EPHB1: variants seen among roughly 807,000 people sequenced by gnomAD.
The protein encoded by EPHB1 is ephrin type-B receptor 1.
EPHB1 carries 30 observed loss-of-function variants against 94.4 expected under a neutral mutation model. The ratio of observed to expected loss-of-function variants is 0.32; its 90% CI spans 0.24 to 0.43. EPHB1 has a LOEUF of 0.43. Among genes scored for constraint, EPHB1 ranks in the 20% least tolerant of loss-of-function variants. The pLI is 1.00. For missense variants in EPHB1, 1,055 were observed against 1,308.3 expected (o/e 0.81, Z 2.99); for synonymous variants, 522 against 489.1 (o/e 1.07, Z -0.89).
chr3:135,035,476 G>A (rs1936615515), intron 3 of EPHB1, among the ~76,000 whole-genome samples: 1 of 152,168 alleles, frequency 6.6e-6, no homozygotes, highest in Admixed American at 6.5e-5. Context: ...AATGGAATTG[G>A]GAAAAGTGAA....
In EPHB1 at chr3:135,155,743, TCACACCA is replaced by T. The variant is rs1477423266; in HGVS notation, c.1422+1469_1422+1475del. Among the ~76,000 whole-genome samples the T allele has an allele frequency of 2.9e-4, 35 of 118,706 alleles. 2 individuals are homozygous for T. Among genetic ancestry groups the T allele is most frequent in the African/African-American group, 6.2e-4 (17 of 27,300 alleles). 77.9% of individuals were successfully genotyped at this position (118,706 alleles called of 152,430 possible). ...AGGTGGAGGTTGCAGTGAGCCTAGATCACACCACTGCACTCCAGTGTGGGTGACAGAG... is the reference window on the plus strand; with the variant it reads ...AGGTGGAGGTTGCAGTGAGCCTAGATCTGCACTCCAGTGTGGGTGACAGAG... On this transcript the variant is annotated intron_variant, in intron 6 of 15. Coordinates refer to ENST00000398015, the MANE Select transcript of EPHB1 (RefSeq NM_004441.5).
chr3:134,994,356 A>AC (rs1458075536), intron 3 of EPHB1, among the ~76,000 whole-genome samples: 1 of 152,068 alleles, frequency 6.6e-6, no homozygotes, highest in Non-Finnish European at 1.5e-5. Context: ...ACTGCTTTTG[A>AC]CCCCTGCCCA....
intron 1 of EPHB1, among the ~76,000 whole-genome samples, chr3:134,808,744 A>T (rs2036115208): frequency 6.6e-6 from 1 of 152,188 alleles, no homozygotes; most frequent in African/African-American, 2.4e-5. Flanking sequence ...TTCTTTCTTG[A>T]TGGGATGTTC....
chr3:134,972,016 T>G (rs1933988576), intron 3 of EPHB1, among the ~76,000 whole-genome samples: 2 of 152,136 alleles, frequency 1.3e-5, no homozygotes, highest in Non-Finnish European at 2.9e-5. Context: ...CTTATAATAA[T>G]TCACAGAAAA....
chr3:135,254,722 T>C (rs1292228918), intron 15 of EPHB1, among the ~76,000 whole-genome samples: 2 of 152,142 alleles, frequency 1.3e-5, no homozygotes, highest in Admixed American at 1.3e-4. Flanking sequence ...AGAATGATGC[T>C]GGCCTCATAA....
chr3:135,000,110 A>G (rs1053089026), intron 3 of EPHB1, among the ~76,000 whole-genome samples: 2 of 152,242 alleles, frequency 1.3e-5, no homozygotes, highest in Non-Finnish European at 2.9e-5. Context: ...TTACTTCTCC[A>G]GGAACTAACT....
chr3:134,952,086 A>G (rs747263231), intron 3 of EPHB1, 34 bp downstream of exon 3: 14 of 1,558,210 alleles, frequency 9.0e-6, no homozygotes, highest in Admixed American at 7.3e-5. Flanking sequence ...CTGCCCATCT[A>G]TGGCAGGGCC....
Position 134,894,507 on chromosome 3 carries a change from G to A in EPHB1, c.59-31309G>A, listed in dbSNP as rs1168428674. On this transcript the variant is annotated intron_variant, in intron 1 of 15. Transcript: ENST00000398015. ...CACCTCGTGTGCCCATTTCTTCTCTGAAAGCCTGTGTTCTCTGTATTGTCC... is the reference window on the plus strand; with the variant it reads ...CACCTCGTGTGCCCATTTCTTCTCTAAAAGCCTGTGTTCTCTGTATTGTCC... Among the ~76,000 whole-genome samples, 5 of 152,216 alleles carry A rather than the reference G, an allele frequency of 3.3e-5. No individual in the cohort carries two copies. In the East Asian group the frequency reaches 9.6e-4, roughly 29 times the overall value.
At chr3:135,057,551 G>A (rs1937382949) in intron 3 of EPHB1, among the ~76,000 whole-genome samples, 1 of 152,106 alleles carries the variant, frequency 6.6e-6, no homozygotes, top group Non-Finnish European at 1.5e-5. Context: ...ATAGAGTCAG[G>A]CAGTCTGGGT....
At chr3:134,970,637 G>T (rs138940609) in intron 3 of EPHB1, among the ~76,000 whole-genome samples, 56 of 152,116 alleles carry the variant, frequency 3.7e-4, no homozygotes, top group Non-Finnish European at 6.3e-4. Context: ...GTTAACTGAT[G>T]TATCCTGAGT....
intron 3 of EPHB1, among the ~76,000 whole-genome samples, chr3:135,043,044 A>G (rs1936899943): frequency 2.0e-5 from 3 of 151,762 alleles, no homozygotes; most frequent in Admixed American, 6.6e-5. Flanking sequence ...GTTTCGCCAC[A>G]TTGCTATGGC....
At chr3:134,866,250 A>G (rs1175324703) in intron 1 of EPHB1, among the ~76,000 whole-genome samples, 1 of 152,236 alleles carries the variant, frequency 6.6e-6, no homozygotes, top group African/African-American at 2.4e-5. Flanking sequence ...TGTGGAAGAT[A>G]TGGTGAAAAT....
chr3:135,149,757 A>G (rs1941133721), intron 5 of EPHB1, among the ~76,000 whole-genome samples: 2 of 152,226 alleles, frequency 1.3e-5, no homozygotes, highest in South Asian at 4.1e-4. Context: ...GTGTGAGAAT[A>G]CACAGTCTTC....
intron 5 of EPHB1, among the ~76,000 whole-genome samples, chr3:135,133,794 T>C (rs1940513877): frequency 6.6e-6 from 1 of 152,218 alleles, no homozygotes; most frequent in African/African-American, 2.4e-5. Context: ...TCTTTATTAC[T>C]TTTCACAGCT....
Position 135,092,525 on chromosome 3 carries a change from G to C in EPHB1, c.806-13923G>C, listed in dbSNP as rs556995491. ...GCTCTGCCCTCTGAGAACTGATACT[G>C]TTTCCCTGTCTCCTGCTTAGCTGTG... is the stretch of plus-strand genomic sequence containing the variant. On this transcript the variant is annotated intron_variant, in intron 3 of 15. Transcript: ENST00000398015. Among the ~76,000 whole-genome samples the C allele has an allele frequency of 6.6e-5, 10 of 152,214 alleles. No individual in the cohort carries two copies. In the South Asian group the frequency reaches 1.7e-3, roughly 25 times the overall value.
intron 4 of EPHB1, among the ~76,000 whole-genome samples, chr3:135,126,080 C>A (rs886818294): frequency 2.6e-5 from 4 of 152,234 alleles, no homozygotes; most frequent in Admixed American, 2.0e-4. Context: ...TCACTCACAC[C>A]ACAGTCTCTC....
In EPHB1 at chr3:135,236,738, C is replaced by G. The variant is rs1943664072; in HGVS notation, c.2347-4410C>G. ...GGTGAACAAGTCCATGAACACAATA[C>G]TCAGTATTCATGAGTGGCTGGATTT... On this transcript the variant is annotated intron_variant, in intron 12 of 15. Transcript: ENST00000398015. Among the ~76,000 whole-genome samples, 4 of 152,296 alleles carry G rather than the reference C, an allele frequency of 2.6e-5. No individual in the cohort carries two copies. The South Asian group carries it at 8.3e-4, about 32-fold the overall frequency.
chr3:135,220,594 CTTT>C (rs78078993), intron 12 of EPHB1, among the ~76,000 whole-genome samples: 2 of 133,946 alleles, frequency 1.5e-5, no homozygotes, highest in African/African-American at 2.8e-5. Flanking sequence ...TGTTGGAGGC[CTTT>C]TTTTTTTTTT....
Position 135,154,249 on chromosome 3 carries a change from G to A in EPHB1, c.1395G>A (p.Leu465=), listed in dbSNP as rs755952618. ...CGGAGCAGCCCAATGGCATCATCCTGGACTATGAGATCCGGTACTATGAGA... is the reference window on the plus strand; with the variant it reads ...CGGAGCAGCCCAATGGCATCATCCTAGACTATGAGATCCGGTACTATGAGA... ...PQPEQPNGII[L]DYEIRYYEKE... Residue 465 remains leucine (L), a synonymous_variant, in exon 6 of 16, where the codon CTG becomes CTA. Coordinates refer to ENST00000398015, the MANE Select transcript of EPHB1 (RefSeq NM_004441.5). The A allele has an allele frequency of 6.8e-6, 11 of 1,613,834 alleles. No homozygotes were observed. The highest frequency in any genetic ancestry group is 9.3e-6 in the Non-Finnish European group (11 of 1,179,884).
Sources: gnomAD v4.1 joint callset for allele counts (sites outside exome capture counted in the v4.1 genomes callset) on GRCh38, gnomAD v4.1.1 for gene constraint, MANE v1.5 for transcripts, NCBI Gene and HGNC (gene_info 2026-07-23, HGNC 2026-07-21) for gene names.